Variants in TRRAP observed in about 807,000 individuals in gnomAD.
TRRAP encodes transformation/transcription domain associated protein, also known as transformation/transcription domain-associated protein.
A neutral mutation model predicts 438.8 loss-of-function variants in TRRAP; 41 were observed. The observed-to-expected ratio is 0.09, with a 90% confidence interval of 0.07 to 0.12. TRRAP has a LOEUF of 0.12. Among genes scored for constraint, TRRAP ranks in the 10% least tolerant of loss-of-function variants. The pLI, the probability that TRRAP is intolerant of heterozygous loss-of-function variation, is 1.00. For missense variants in TRRAP, 3,122 were observed against 5,055.1 expected, an observed-to-expected ratio of 0.62 and a Z score of 11.60; for synonymous variants, 1,994 against 1,962.9, an observed-to-expected ratio of 1.02 and a Z score of -0.42.
chr7:98,948,003 T>C lies in TRRAP; in HGVS notation c.4549-218T>C, dbSNP rs1791164713. Among the ~76,000 whole-genome samples the C allele has an allele frequency of 6.6e-6, 1 of 152,050 alleles. No homozygotes were observed. The highest frequency in any genetic ancestry group is 6.5e-5 in the Admixed American group (1 of 15,280). ...CGTCGGCCCCTCCACACCCCTACAA[T>C]GGACAGGAATGCTGAAGGCCACGGG... On this transcript the variant is annotated intron_variant, in intron 33 of 72. Coordinates refer to ENST00000456197, the MANE Select transcript of TRRAP (RefSeq NM_001375524.1). This position sits in a 1 kb window ranked among gnomAD's most constrained non-coding sequence, Gnocchi z 4.9.
At chr7:98,926,940 A>G (rs1790075280) in intron 22 of TRRAP, among the ~76,000 whole-genome samples, 1 of 152,086 alleles carries the variant, frequency 6.6e-6, no homozygotes, top group Admixed American at 6.5e-5. Flanking sequence ...AATCGCATGA[A>G]CCTGGGAGGT....
rs1794447909 is a variant in TRRAP, at chr7:99,011,951, C to T, written c.11338-120C>T. ...CACACAGCCTGGCCTGGTGCTGAAA[C>T]TCGACTGGCCCTTGGTGGCCCTGAG... On this transcript the variant is annotated intron_variant, in intron 72 of 72. Transcript: ENST00000456197. This position sits in a 1 kb window ranked among gnomAD's most constrained non-coding sequence, Gnocchi z 7.1. The T allele has an allele frequency of 1.4e-5, 18 of 1,326,186 alleles. No individual in the cohort carries two copies. Among genetic ancestry groups the T allele is most frequent in the Non-Finnish European group, 1.7e-5 (17 of 973,790 alleles). The allele number at this position is 1,326,186 out of a possible 1,614,324, so 82.2% of individuals were successfully genotyped here. A position where few individuals can be genotyped will look rare whatever the true frequency, so the allele number is the denominator to read the frequency against.
intron 31 of TRRAP, 123 bp from the exon 32 acceptor site, chr7:98,945,624 T>C: frequency 9.0e-7 from 1 of 1,116,332 alleles, no homozygotes; most frequent in South Asian, 1.6e-5. Flanking sequence ...CTGTGTGCTT[T>C]CTGATAATTT....
At chr7:98,937,300 A>G (rs371581184) in intron 29 of TRRAP, 23 bp downstream of exon 29, 11 of 1,563,402 alleles carry the variant, frequency 7.0e-6, no homozygotes, top group Admixed American at 3.5e-5. Context: ...GCGTGCGTGT[A>G]TGCGCACGCG....
rs920817047 is a variant in TRRAP, at chr7:98,989,024, A to G, written c.9591+58A>G. On this transcript the variant is annotated intron_variant, in intron 63 of 72. Coordinates refer to ENST00000456197, the MANE Select transcript of TRRAP (RefSeq NM_001375524.1). Reference sequence around the variant, plus strand: ...CCATCTGTCACCTTCAGATTTGGACAGAAATTTAGCTATAGTTTACTCATC... The same window carrying G: ...CCATCTGTCACCTTCAGATTTGGACGGAAATTTAGCTATAGTTTACTCATC... 1.6e-5 allele frequency: 25 copies of G among 1,556,396 alleles called. No homozygotes were observed. The South Asian group carries it at 2.9e-4, about 18-fold the overall frequency.
At chr7:98,889,028 C>T (rs1298366236) in intron 3 of TRRAP, among the ~76,000 whole-genome samples, 1 of 147,990 alleles carries the variant, frequency 6.8e-6, no homozygotes, top group African/African-American at 2.5e-5. Flanking sequence ...TGATTTGAAT[C>T]CACTTCCAAA....
At chr7:98,919,153 CAG>C (rs1789672185) in intron 20 of TRRAP, among the ~76,000 whole-genome samples, 2 of 152,230 alleles carry the variant, frequency 1.3e-5, no homozygotes, top group South Asian at 2.1e-4. Flanking sequence ...AGATAGGAGT[CAG>C]AGTATGAGCT....
chr7:98,929,265 T>A (rs1343164809), intron 23 of TRRAP, among the ~76,000 whole-genome samples: 7 of 152,010 alleles, frequency 4.6e-5, no homozygotes, highest in African/African-American at 9.7e-5. Context: ...TTTAAAAAAA[T>A]TTTTATGGAG....
Position 98,915,872 on chromosome 7 carries a change from T to C in TRRAP, c.2349T>C (p.Leu783=), listed in dbSNP as rs142820795. The C allele has an allele frequency of 2.6e-5, 42 of 1,614,188 alleles. No homozygotes were observed. In the African/African-American group the frequency reaches 5.1e-4, roughly 19 times the overall value. The change falls in exon 19 of 73, where the codon CTT becomes CTC. Residue 783 remains leucine, a synonymous_variant. Transcript: ENST00000456197. ...DLLYQEFLPL[L]PNLLQGLNML... is the part of the protein sequence containing the mutation. ...TGTATCAGGAGTTCTTGCCTCTCCT[T>C]CCAAACCTCCTGCAAGGTCAGAGCA...
Position 98,970,185 on chromosome 7 carries a change from C to G in TRRAP, c.7586C>G (p.Thr2529Ser). Residue 2529 changes from threonine (T) to serine (S), a missense_variant, in exon 52 of 73, where the codon ACC becomes AGC. Transcript: ENST00000456197. Reference sequence around the variant, plus strand: ...CAAGGAGCCATGCTCCCGTCCATCACCAACGTCATCAACCTGGCCGATAGC... The same window carrying G: ...CAAGGAGCCATGCTCCCGTCCATCAGCAACGTCATCAACCTGGCCGATAGC... ...SCQGAMLPSI[T>S]NVINLADSHD... 5.0e-6 allele frequency: 8 copies of G among 1,613,958 alleles called. No individual in the cohort carries two copies. The highest frequency in any genetic ancestry group is 6.8e-6 in the Non-Finnish European group (8 of 1,180,014).
chr7:98,928,755 T>A (rs1790174927), intron 23 of TRRAP, among the ~76,000 whole-genome samples: 1 of 152,066 alleles, frequency 6.6e-6, no homozygotes, highest in African/African-American at 2.4e-5. Flanking sequence ...TGGTTTTCTT[T>A]ATTTTTTTTT....
intron 47 of TRRAP, 37 bp downstream of exon 47, chr7:98,962,464 A>C (rs781118879): frequency 2.5e-6 from 4 of 1,613,000 alleles, no homozygotes; most frequent in Admixed American, 1.7e-5. Flanking sequence ...GTGGTGGCTC[A>C]GTTTGGCCTC....
chr7:98,977,571 G>A (rs1279468077), intron 56 of TRRAP, among the ~76,000 whole-genome samples: 1 of 152,260 alleles, frequency 6.6e-6, no homozygotes, highest in Non-Finnish European at 1.5e-5. Context: ...CTAAAGCACA[G>A]TCCTGATAAG....
rs768663337 is a variant in TRRAP, at chr7:99,011,574, A to G, written c.11337+39A>G. ...TCGTCCTATCACAGGCGCAGGCTAG[A>G]GCCACTCAGATGCCCGCGCGTCACG... is the stretch of plus-strand genomic sequence containing the variant. On this transcript the variant is annotated intron_variant, in intron 72 of 72. Coordinates refer to ENST00000456197, the MANE Select transcript of TRRAP (RefSeq NM_001375524.1). This position sits in a 1 kb window ranked among gnomAD's most constrained non-coding sequence, Gnocchi z 7.1. The G allele has an allele frequency of 1.3e-6, 2 of 1,592,628 alleles. No homozygotes were observed. The highest frequency in any genetic ancestry group is 2.3e-5 in the South Asian group (2 of 87,088).
At chr7:98,938,550 G>A (rs950969618) in intron 30 of TRRAP, among the ~76,000 whole-genome samples, 1 of 77,952 alleles carries the variant, frequency 1.3e-5, no homozygotes, top group Non-Finnish European at 4.2e-5. Context: ...TCCTATAAAA[G>A]GGGGTACAAT....
At chr7:98,967,783 A>G in intron 51 of TRRAP, 85 bp downstream of exon 51, 1 of 1,193,936 alleles carries the variant, frequency 8.4e-7, no homozygotes, top group Non-Finnish European at 1.2e-6. Context: ...GTGTTCACAC[A>G]CACTGAGATG....
At position 98,956,594 on chromosome 7, in the gene TRRAP, C is replaced by T; in HGVS notation, c.6231+61C>T. The T allele has an allele frequency of 6.4e-7, 1 of 1,565,348 alleles. No homozygotes were observed. The highest frequency in any genetic ancestry group is 2.0e-5 in the Admixed American group (1 of 51,280). On this transcript the variant is annotated intron_variant, in intron 43 of 72. Transcript: ENST00000456197. This position sits in a 1 kb window ranked among gnomAD's most constrained non-coding sequence, Gnocchi z 4.5. ...TCTGCTGGGAGTTGGTTCGTTTATT[C>T]CCTATATTTAGAATGTGAGCTCGGT... is the stretch of plus-strand genomic sequence containing the variant.
rs889844544 is a variant in TRRAP, at chr7:99,012,736, G to A, written c.*381G>A. 13 of 211,338 alleles carry A rather than the reference G, an allele frequency of 6.2e-5. No individual in the cohort carries two copies. Among genetic ancestry groups the A allele is most frequent in the South Asian group, 5.3e-4 (5 of 9,370 alleles). The allele number at this position is 211,338 out of a possible 1,614,324, so 13.1% of individuals were successfully genotyped here. A position where few individuals can be genotyped will look rare whatever the true frequency, so the allele number is the denominator to read the frequency against. ...CCTTCCATCCATTTTTAACTCTTTCGGAAATAACACCTCACAGCAGCTTCG... is the reference window on the plus strand; with the variant it reads ...CCTTCCATCCATTTTTAACTCTTTCAGAAATAACACCTCACAGCAGCTTCG... On this transcript the variant is annotated 3_prime_UTR_variant, in exon 73 of 73. Transcript: ENST00000456197. The surrounding 1 kb of genome is among the most constrained non-coding windows in gnomAD (Gnocchi z 5.9).
At chr7:98,942,232 A>G (rs1790828701) in intron 30 of TRRAP, among the ~76,000 whole-genome samples, 1 of 152,160 alleles carries the variant, frequency 6.6e-6, no homozygotes, top group Admixed American at 6.5e-5. Flanking sequence ...TGCAGAGGGA[A>G]TTGTGGCCCT....
Sources: allele counts gnomAD v4.1 joint callset (sites outside exome capture counted in the v4.1 genomes callset), GRCh38; gene constraint gnomAD v4.1.1; non-coding constraint Gnocchi (gnomAD v3.1); transcripts MANE v1.5; gene names NCBI Gene and HGNC (gene_info 2026-07-23, HGNC 2026-07-21).